The following NIPSNAP3A variants were observed in gnomAD, a reference collection of about 807,000 sequenced individuals.
NIPSNAP3A encodes protein NipSnap homolog 3A.
In NIPSNAP3A, 27 loss-of-function variants were observed where a neutral mutation model predicts 32.3. The observed-to-expected ratio is 0.84, with a 90% CI of 0.62 to 1.15. The LOEUF is 1.15. Among genes scored for constraint, NIPSNAP3A ranks in the 50% most tolerant of loss-of-function variants. The pLI is 0.00. For missense variants in NIPSNAP3A, 278 were observed against 297.2 expected (o/e 0.94, Z 0.48); for synonymous variants, 108 against 107.3 (o/e 1.01, Z -0.04).
chr9:104,750,188 C>T (rs1264015239), intron 1 of NIPSNAP3A, among the ~76,000 whole-genome samples: 3 of 152,058 alleles, frequency 2.0e-5, no homozygotes, highest in South Asian at 2.1e-4. Flanking sequence ...AACTGTAACA[C>T]GTATGCTCTT....
At position 104,760,019 on chromosome 9, in the gene NIPSNAP3A, C is replaced by T. The variant is rs41277757; in HGVS notation, c.*681C>T. 9.9e-3 allele frequency: 1,513 copies of T among 152,240 alleles called. 10 individuals are homozygous for T. The highest frequency in any genetic ancestry group is 0.034 in the Middle Eastern group (10 of 294). 9.4% of individuals were successfully genotyped at this position (152,240 alleles called of 1,614,324 possible). On this transcript the variant is annotated 3_prime_UTR_variant, in exon 6 of 6. Transcript: ENST00000374767. The stretch of plus-strand genomic sequence containing the variant: ...AATTAATTTTAACTACTATTTACTT[C>T]ATTTCGGATCCTGTTTAACAAAGAT...
chr9:104,747,974 G>A (rs964319662), intron 1 of NIPSNAP3A, 122 bp downstream of exon 1: 4 of 975,424 alleles, frequency 4.1e-6, no homozygotes, highest in Non-Finnish European at 6.0e-6. Context: ...CAGACCTGGG[G>A]CCCCGGTGAG....
intron 4 of NIPSNAP3A, among the ~76,000 whole-genome samples, chr9:104,758,079 A>G (rs1827926568): frequency 6.6e-6 from 1 of 152,088 alleles, no homozygotes; most frequent in South Asian, 2.1e-4. Flanking sequence ...TTGTACAAGA[A>G]CAACATTTAT....
In NIPSNAP3A at chr9:104,751,174, GT is replaced by G; in HGVS notation, c.271+9del. ...TTCATATTTGGAAGTATGGTAAAGA[GT>G]CATCCAATTTTGGCTTTCAGTATAG... is the stretch of plus-strand genomic sequence containing the variant. On this transcript the variant is annotated intron_variant, in intron 2 of 5. Transcript: ENST00000374767. 1 of 1,610,744 alleles carries G rather than the reference GT, an allele frequency of 6.2e-7. No homozygotes were observed. The highest frequency in any genetic ancestry group is 8.5e-7 in the Non-Finnish European group (1 of 1,177,212).
chr9:104,755,232 A>T (rs1175439928), intron 4 of NIPSNAP3A, among the ~76,000 whole-genome samples: 1 of 144,726 alleles, frequency 6.9e-6, no homozygotes, highest in Non-Finnish European at 1.5e-5. Context: ...CAAGAGCAAA[A>T]CTCCATCTCA....
In NIPSNAP3A at chr9:104,748,128, C is replaced by T. The variant is rs1262862816; in HGVS notation, c.60+276C>T. Among the ~76,000 whole-genome samples the T allele has an allele frequency of 2.6e-5, 4 of 152,188 alleles. No individual in the cohort carries two copies. The East Asian group carries it at 5.8e-4, about 22-fold the overall frequency. ...GGCTTTTCTAGCCTGGATGCCACACCCACCGGGACACTCCCATGGCGCCGG... is the reference window on the plus strand; with the variant it reads ...GGCTTTTCTAGCCTGGATGCCACACTCACCGGGACACTCCCATGGCGCCGG... On this transcript the variant is annotated intron_variant, in intron 1 of 5. Coordinates refer to ENST00000374767, the MANE Select transcript of NIPSNAP3A (RefSeq NM_015469.3).
Position 104,752,993 on chromosome 9 carries a change from T to A in NIPSNAP3A, c.359T>A (p.Leu120His). Residue 120 changes from leucine (L) to histidine (H), a missense_variant, in exon 3 of 6, where the codon CTC becomes CAC. By Grantham distance (99) the Leu-to-His change is moderately conservative. Transcript: ENST00000374767. ...CAATTCCTCATTCCAAATTTGGCTC[T>A]CATTGATAAACAAGAGAGTGAGATT... The part of the protein sequence containing the change: ...QEQFLIPNLA[L>H]IDKQESEITY... 1 of 1,613,464 alleles carries A rather than the reference T, an allele frequency of 6.2e-7. No individual in the cohort carries two copies. The highest frequency in any genetic ancestry group is 2.2e-5 in the East Asian group (1 of 44,868).
At chr9:104,749,400 T>C (rs1827818736) in intron 1 of NIPSNAP3A, among the ~76,000 whole-genome samples, 2 of 152,244 alleles carry the variant, frequency 1.3e-5, no homozygotes, top group African/African-American at 4.8e-5. Context: ...TCATTAAGCC[T>C]TATCATACAC....
At chr9:104,754,796 T>C (rs1411761544) in intron 4 of NIPSNAP3A, 96 bp downstream of exon 4, 5 of 906,956 alleles carry the variant, frequency 5.5e-6, no homozygotes, top group Admixed American at 2.4e-5. Flanking sequence ...GTATGTTTTA[T>C]TATTTATTGC....
chr9:104,760,066 T>C lies in NIPSNAP3A; in HGVS notation c.*728T>C, dbSNP rs1354566690. ...AGATACTTGAGACATCCATTTGTTT[T>C]AATGAAATCTGTATGGATATGGAAA... is the stretch of plus-strand genomic sequence containing the variant. On this transcript the variant is annotated 3_prime_UTR_variant, in exon 6 of 6. Transcript: ENST00000374767. 1 of 152,214 alleles carries C rather than the reference T, an allele frequency of 6.6e-6. No individual in the cohort carries two copies. The highest frequency in any genetic ancestry group is 2.4e-5 in the African/African-American group (1 of 41,458). 9.4% of individuals were successfully genotyped at this position (152,214 alleles called of 1,614,324 possible).
intron 1 of NIPSNAP3A, among the ~76,000 whole-genome samples, chr9:104,749,651 A>G (rs1827822020): frequency 6.6e-6 from 1 of 152,060 alleles, no homozygotes; most frequent in African/African-American, 2.4e-5. Flanking sequence ...CCATGAGTGC[A>G]TATATATATG....
chr9:104,747,837 G>C lies in NIPSNAP3A; in HGVS notation c.45G>C (p.Arg15=). ...CCCTGACTCGGGCGCTGGCCTCACG[G>C]ACGCTGGCGCCTCAGGTACCGGCCA... is the stretch of plus-strand genomic sequence containing the variant. ...RSALTRALAS[R]TLAPQMCSSF... Residue 15 remains arginine (R), a synonymous_variant, in exon 1 of 6, where the codon CGG becomes CGC. Coordinates refer to ENST00000374767, the MANE Select transcript of NIPSNAP3A (RefSeq NM_015469.3). The C allele has an allele frequency of 1.2e-6, 2 of 1,608,542 alleles. No homozygotes were observed. The highest frequency in any genetic ancestry group is 1.7e-6 in the Non-Finnish European group (2 of 1,178,942).
In NIPSNAP3A at chr9:104,753,025, C is replaced by A; in HGVS notation, c.391C>A (p.Leu131Met). 1 of 1,613,532 alleles carries A rather than the reference C, an allele frequency of 6.2e-7. No individual in the cohort carries two copies. The highest frequency in any genetic ancestry group is 8.5e-7 in the Non-Finnish European group (1 of 1,179,556). Residue 131 changes from leucine to methionine, a missense_variant, in exon 3 of 6, where the codon CTG becomes ATG. Physicochemically the swap from Leu to Met is conservative, Grantham distance 15. Coordinates refer to ENST00000374767, the MANE Select transcript of NIPSNAP3A (RefSeq NM_015469.3). Reference sequence around the variant, plus strand: ...TAAACAAGAGAGTGAGATTACTTATCTGGTACCATGGTGCAAATTAGAAAA... The same window carrying A: ...TAAACAAGAGAGTGAGATTACTTATATGGTACCATGGTGCAAATTAGAAAA... Reference protein sequence around the residue: ...IDKQESEITYLVPWCKLEKPP... With the variant: ...IDKQESEITYMVPWCKLEKPP...
chr9:104,754,755 T>G, intron 4 of NIPSNAP3A, 55 bp downstream of exon 4: 11 of 1,391,632 alleles, frequency 7.9e-6, no homozygotes, highest in Non-Finnish European at 1.0e-5. Flanking sequence ...GTGACCTAAG[T>G]TCCTTGGGTC....
intron 1 of NIPSNAP3A, among the ~76,000 whole-genome samples, chr9:104,749,868 G>A (rs1381397848): frequency 6.8e-6 from 1 of 146,956 alleles, no homozygotes; most frequent in Non-Finnish European, 1.5e-5. Flanking sequence ...TTCATTAAAT[G>A]TTGTTCACAT....
intron 4 of NIPSNAP3A, 123 bp from the exon 5 acceptor site, chr9:104,758,962 C>T (rs1476518134): frequency 9.4e-7 from 1 of 1,058,410 alleles, no homozygotes; most frequent in Non-Finnish European, 1.3e-6. Flanking sequence ...AAGAGTGAAA[C>T]TCTTGTTTCA....
At chr9:104,750,386 G>C (rs1378364285) in intron 1 of NIPSNAP3A, among the ~76,000 whole-genome samples, 1 of 152,194 alleles carries the variant, frequency 6.6e-6, no homozygotes, top group African/African-American at 2.4e-5. Context: ...GCATATTTAA[G>C]AGTAGTTGTC....
chr9:104,747,889 G>A (rs762635103), intron 1 of NIPSNAP3A, 37 bp downstream of exon 1: 11 of 1,431,882 alleles, frequency 7.7e-6, no homozygotes, highest in South Asian at 2.4e-5. Flanking sequence ...TTCACCCGAC[G>A]GGAGGGGAGG....
chr9:104,758,959 A>C lies in NIPSNAP3A; in HGVS notation c.581-126A>C, dbSNP rs541251107. ...CACTCCAGCCTAGGTGACAAGAGTG[A>C]AACTCTTGTTTCAAAAAAAAAAAAA... On this transcript the variant is annotated intron_variant, in intron 4 of 5. Transcript: ENST00000374767. 6.0e-4 allele frequency: 641 copies of C among 1,068,804 alleles called. 1 individual carries two copies. The highest frequency in any genetic ancestry group is 7.7e-4 in the Non-Finnish European group (579 of 748,604). 66.2% of individuals were successfully genotyped at this position (1,068,804 alleles called of 1,614,324 possible). A position where few individuals can be genotyped will look rare whatever the true frequency, so the allele number is the denominator to read the frequency against.
Sources: allele counts gnomAD v4.1 joint callset (sites outside exome capture counted in the v4.1 genomes callset), GRCh38; gene constraint gnomAD v4.1.1; transcripts MANE v1.5; gene names NCBI Gene and HGNC (gene_info 2026-07-23, HGNC 2026-07-21).